Variants in CLN6 observed in about 807,000 individuals in gnomAD.
CLN6 encodes the protein CLN6 transmembrane ER protein, also known as ceroid-lipofuscinosis neuronal protein 6.
Under a neutral mutation model 33.3 loss-of-function variants are expected in CLN6, and 22 were observed. The observed-to-expected ratio is 0.66, with a 90% CI of 0.47 to 0.94. The LOEUF is 0.94. Among genes scored for constraint, CLN6 ranks in the 40% least tolerant of loss-of-function variants. The pLI is 0.00. For missense variants in CLN6, 387 were observed against 417.1 expected, an observed-to-expected ratio of 0.93 and a Z score of 0.63; for synonymous variants, 201 against 174.6, an observed-to-expected ratio of 1.15 and a Z score of -1.19.
rs2141139015 is a variant in CLN6, at chr15:68,211,576, A to G, written c.486+99T>C. The G allele has an allele frequency of 6.2e-7, 1 of 1,601,916 alleles. No individual in the cohort carries two copies. Among genetic ancestry groups the G allele is most frequent in the Non-Finnish European group, 8.5e-7 (1 of 1,179,658 alleles). On this transcript the variant is annotated intron_variant, in intron 4 of 6. Transcript: ENST00000249806. The surrounding 1 kb of genome is among the most constrained non-coding windows in gnomAD (Gnocchi z 5.9). Reference sequence around the variant, plus strand: ...CTCACCTAGCAGAATGCCTTTGGTGAAAGGACAGGTGCGGCGAGGGGTGGG... The same window carrying G: ...CTCACCTAGCAGAATGCCTTTGGTGGAAGGACAGGTGCGGCGAGGGGTGGG...
chr15:68,235,304 C>A (rs1340331255), intron 1 of CLN6, among the ~76,000 whole-genome samples: 2 of 152,156 alleles, frequency 1.3e-5, no homozygotes, highest in South Asian at 2.1e-4. Flanking sequence ...AAAACCACCA[C>A]ACAACTGCCT....
chr15:68,215,115 A>G (rs1314115178), intron 2 of CLN6: 3 of 152,384 alleles, frequency 2.0e-5, no homozygotes, highest in Non-Finnish European at 4.4e-5. Flanking sequence ...CACAACCCCC[A>G]AACTGTACTT....
intron 1 of CLN6, among the ~76,000 whole-genome samples, chr15:68,251,877 T>C (rs1169162894): frequency 6.6e-6 from 1 of 150,750 alleles, no homozygotes; most frequent in Non-Finnish European, 1.5e-5. Context: ...ACTGCAAAAA[T>C]GCAAAACTGG....
At chr15:68,215,743 T>C (rs1324373297) in intron 2 of CLN6, 1 of 152,222 alleles carries the variant, frequency 6.6e-6, no homozygotes, top group Non-Finnish European at 1.5e-5. Flanking sequence ...CATGCCACCA[T>C]GCCCACCATA....
At chr15:68,239,570 C>G (rs1892263712) in intron 1 of CLN6, among the ~76,000 whole-genome samples, 1 of 151,918 alleles carries the variant, frequency 6.6e-6, no homozygotes, top group Non-Finnish European at 1.5e-5. Flanking sequence ...TGTAATAGTT[C>G]TAAAGTTGTG....
At chr15:68,255,214 A>G (rs760706693) in intron 1 of CLN6, among the ~76,000 whole-genome samples, 1 of 152,200 alleles carries the variant, frequency 6.6e-6, no homozygotes, top group Admixed American at 6.5e-5. Flanking sequence ...GCCTCGTGGG[A>G]CGGAAAAACA....
chr15:68,249,154 A>T (rs890560660), intron 1 of CLN6, among the ~76,000 whole-genome samples: 28 of 152,240 alleles, frequency 1.8e-4, no homozygotes, highest in African/African-American at 6.8e-4. Flanking sequence ...AATGACTTTT[A>T]TCAAAAAGAA....
At position 68,211,325 on chromosome 15, in the gene CLN6, G is replaced by T; in HGVS notation, c.487-7C>A. ...GCAGCTCAAAGGAGTCGATCTGAGG[G>T]AGGAACGGGCAGGGCAGAGTCGGGG... On this transcript the variant is annotated splice_polypyrimidine_tract_variant and splice_region_variant and intron_variant, in intron 4 of 6. Transcript: ENST00000249806. The surrounding 1 kb of genome is among the most constrained non-coding windows in gnomAD (Gnocchi z 5.9). 1 of 1,613,940 alleles carries T rather than the reference G, an allele frequency of 6.2e-7. No homozygotes were observed. The highest frequency in any genetic ancestry group is 8.5e-7 in the Non-Finnish European group (1 of 1,180,016).
At chr15:68,222,755 A>C (rs1053527992) in intron 1 of CLN6, among the ~76,000 whole-genome samples, 1 of 152,246 alleles carries the variant, frequency 6.6e-6, no homozygotes, top group Non-Finnish European at 1.5e-5. Context: ...AAGTAGACAT[A>C]GGAGACTCCA....
chr15:68,226,639 G>A (rs1407484773), intron 1 of CLN6, among the ~76,000 whole-genome samples: 1 of 151,974 alleles, frequency 6.6e-6, no homozygotes, highest in African/African-American at 2.4e-5. Flanking sequence ...GCTAATTTTT[G>A]TATTTTTAGT....
upstream of CLN6, among the ~76,000 whole-genome samples, chr15:68,232,764 A>T (rs973878612): frequency 2.0e-5 from 3 of 152,132 alleles, no homozygotes; most frequent in Non-Finnish European, 4.4e-5. This position sits in a 1 kb window ranked among gnomAD's most constrained non-coding sequence, Gnocchi z 4.7. Context: ...GTCCTGGGCC[A>T]TGCGCAGTGG....
At chr15:68,254,308 G>T (rs1892410382) in intron 1 of CLN6, among the ~76,000 whole-genome samples, 1 of 152,294 alleles carries the variant, frequency 6.6e-6, no homozygotes, top group East Asian at 1.9e-4. Context: ...GCATGAGCAG[G>T]TAATGTTCTC....
rs2141156259 is a variant in CLN6 at position 68,229,552 on chromosome 15, T to C, written c.33A>G (p.Gly11=). The change falls in exon 1 of 7, where the codon GGA becomes GGG. Residue 11 remains glycine (G), a synonymous_variant. Transcript: ENST00000249806. The part of the protein sequence containing the change: MEATRRRQHL[G]ATGGPGAQLG... ...GCTGCGCGCCTGGGCCGCCCGTCGC[T>C]CCCAGGTGCTGCCGCCTCCGCGTCG... 1.4e-6 allele frequency: 2 copies of C among 1,469,044 alleles called. No homozygotes were observed. The highest frequency in any genetic ancestry group is 1.5e-5 in the African/African-American group (1 of 68,010). The allele number at this position is 1,469,044 out of a possible 1,614,324, so 91.0% of individuals were successfully genotyped here.
At chr15:68,238,011 T>A (rs533706590) in intron 1 of CLN6, among the ~76,000 whole-genome samples, 33 of 152,106 alleles carry the variant, frequency 2.2e-4, no homozygotes, top group African/African-American at 6.8e-4. Flanking sequence ...TAGTCCCAGG[T>A]ACTCGGGAGG....
chr15:68,222,044 G>C (rs2093237995), intron 1 of CLN6, among the ~76,000 whole-genome samples: 1 of 146,868 alleles, frequency 6.8e-6, no homozygotes, highest in Non-Finnish European at 1.5e-5. Context: ...TCTGGGATGT[G>C]AGGAGCGCCT....
At position 68,227,351 on chromosome 15, in the gene CLN6, T is replaced by C. The variant is rs1378312054; in HGVS notation, c.83+2151A>G. 1.3e-5 allele frequency among the ~76,000 whole-genome samples: 2 copies of C among 152,234 alleles called. No individual in the cohort carries two copies. The highest frequency in any genetic ancestry group is 2.9e-5 in the Non-Finnish European group (2 of 68,050). ...ATGGCACCCGGCCTAATTGTAACAC[T>C]TTCATTATAATACAAAAACTGGCAA... is the stretch of plus-strand genomic sequence containing the variant. On this transcript the variant is annotated intron_variant, in intron 1 of 6. Transcript: ENST00000249806. This position sits in a 1 kb window ranked among gnomAD's most constrained non-coding sequence, Gnocchi z 4.1.
upstream of CLN6, among the ~76,000 whole-genome samples, chr15:68,232,404 G>A (rs926660590): frequency 2.6e-5 from 4 of 152,046 alleles, no homozygotes; most frequent in East Asian, 1.9e-4. The surrounding 1 kb of genome is among the most constrained non-coding windows in gnomAD (Gnocchi z 4.7). Context: ...TGATCTGCCC[G>A]CCTTAGTCTC....
At chr15:68,235,583 AATAAATATATATATATATATATAT>A (rs1187218218) in intron 1 of CLN6, among the ~76,000 whole-genome samples, 18 of 49,250 alleles carry the variant, frequency 3.7e-4, no homozygotes, top group East Asian at 3.1e-3. Context: ...AAAAAATAAA[AATAAATATATATATATATATATAT>A]ATATATATAT....
chr15:68,213,441 C>T (rs2093211740), intron 3 of CLN6: 1 of 151,992 alleles, frequency 6.6e-6, no homozygotes, highest in East Asian at 1.9e-4. Flanking sequence ...GGAGTTTCAC[C>T]ATGTTGGCCA....
Sources: gnomAD v4.1 joint callset for allele counts (sites outside exome capture counted in the v4.1 genomes callset) on GRCh38, gnomAD v4.1.1 for gene constraint, Gnocchi (gnomAD v3.1) non-coding constraint, MANE v1.5 for transcripts, NCBI Gene and HGNC (gene_info 2026-07-23, HGNC 2026-07-21) for gene names.